Variants in FMN2 observed in about 807,000 individuals in gnomAD.
FMN2 encodes the protein formin 2.
A neutral mutation model predicts 142.3 loss-of-function variants in FMN2; 51 were observed. That is an observed-to-expected ratio of 0.36 (90% CI 0.29 to 0.45). The LOEUF is 0.45. FMN2 is among the 20% of genes least tolerant of loss of function. The pLI is 1.00. For missense variants in FMN2, 1,936 were observed against 2,122.8 expected (o/e 0.91, Z 1.73); for synonymous variants, 882 against 869.8 (o/e 1.01, Z -0.25).
intron 8 of FMN2, among the ~76,000 whole-genome samples, chr1:240,313,079 A>C (rs4434829): frequency 0.017 from 2,532 of 152,236 alleles, 71 homozygotes; most frequent in African/African-American, 0.058. Flanking sequence ...GTCACTTCCT[A>C]TTGCAACATT....
At chr1:240,431,556 A>G (rs1455912404) in intron 15 of FMN2, among the ~76,000 whole-genome samples, 1 of 151,360 alleles carries the variant, frequency 6.6e-6, no homozygotes, top group Non-Finnish European at 1.5e-5. Context: ...TTTCTGAACT[A>G]AAAAGAAAAT....
chr1:240,412,802 G>A (rs1200573973), intron 15 of FMN2, among the ~76,000 whole-genome samples: 1 of 152,042 alleles, frequency 6.6e-6, no homozygotes, highest in African/African-American at 2.4e-5. Context: ...TGATATGAGT[G>A]TGTCTGGTGA....
At chr1:240,438,004 TC>T in intron 15 of FMN2, 56 bp from the exon 16 acceptor site, 2 of 1,564,884 alleles carry the variant, frequency 1.3e-6, no homozygotes, top group Non-Finnish European at 1.7e-6. Context: ...AGAAAGAATA[TC>T]CCATATTGGA....
At chr1:240,444,596 C>G (rs12065307) in intron 16 of FMN2, among the ~76,000 whole-genome samples, 34,005 of 152,170 alleles carry the variant, frequency 0.22, 4,794 homozygotes, top group African/African-American at 0.4. Flanking sequence ...GAAAGGATAG[C>G]TACTTCTCTA....
At chr1:240,448,553 C>T (rs551929244) in intron 16 of FMN2, among the ~76,000 whole-genome samples, 18 of 152,224 alleles carry the variant, frequency 1.2e-4, no homozygotes, top group Admixed American at 6.5e-4. Context: ...CTGTGGCACA[C>T]GCTTGTATCC....
intron 6 of FMN2, among the ~76,000 whole-genome samples, chr1:240,236,368 C>A (rs1316877192): frequency 6.6e-6 from 1 of 152,172 alleles, no homozygotes; most frequent in African/African-American, 2.4e-5. Flanking sequence ...CAGTGGGACA[C>A]CCCATGGTAT....
chr1:240,421,290 G>A (rs12077586), intron 15 of FMN2, among the ~76,000 whole-genome samples: 7,415 of 152,060 alleles, frequency 0.049, 591 homozygotes, highest in African/African-American at 0.17. Flanking sequence ...CTGATGCTAT[G>A]GAAATGATAC....
At chr1:240,241,893 CCTCACTGCAAGCTCCGATCTCGG>C (rs1390948124) in intron 6 of FMN2, among the ~76,000 whole-genome samples, 77 of 146,006 alleles carry the variant, frequency 5.3e-4, no homozygotes, top group African/African-American at 1.9e-3. Flanking sequence ...CTGGATCTCG[CCTCACTGCAAGCTCCGATCTCGG>C]CTCACTGCAA....
Position 240,428,230 on chromosome 1 carries a change from C to T in FMN2, c.4911-9831C>T, listed in dbSNP as rs142015072. 6.4e-3 allele frequency among the ~76,000 whole-genome samples: 941 copies of T among 146,780 alleles called. 8 individuals carry two copies. The highest frequency in any genetic ancestry group is 0.023 in the African/African-American group (876 of 38,404). On this transcript the variant is annotated intron_variant, in intron 15 of 17. Transcript: ENST00000319653. ...ATTGTTACTGATCTCCAAAACATTT[C>T]GCCTTTTTTTTTTTTTAAATACAGA...
intron 7 of FMN2, among the ~76,000 whole-genome samples, chr1:240,278,623 A>G (rs530171013): frequency 6.6e-6 from 1 of 152,290 alleles, no homozygotes; most frequent in East Asian, 1.9e-4. Flanking sequence ...TTCTTTAACA[A>G]TGAGGATCAT....
At chr1:240,334,343 T>TTG (rs1037424744) in intron 13 of FMN2, 114 bp downstream of exon 13, 7 of 1,261,304 alleles carry the variant, frequency 5.5e-6, no homozygotes, top group South Asian at 2.1e-5. Context: ...AGAACTAAAT[T>TTG]TGTGTGTGTG....
At chr1:240,228,374 G>A (rs1553346364) in intron 6 of FMN2, among the ~76,000 whole-genome samples, 1 of 142,958 alleles carries the variant, frequency 7.0e-6, no homozygotes, top group Non-Finnish European at 1.5e-5. Context: ...TGGGCAAAAG[G>A]TTTCAGTAGG....
intron 14 of FMN2, among the ~76,000 whole-genome samples, chr1:240,364,326 A>T (rs913782470): frequency 1.3e-5 from 2 of 152,264 alleles, no homozygotes; most frequent in East Asian, 1.9e-4. Flanking sequence ...ATAAATACAG[A>T]TGAAATCCCA....
chr1:240,206,790 G>T lies in FMN2; in HGVS notation c.1987-9G>T. On this transcript the variant is annotated splice_polypyrimidine_tract_variant and intron_variant, in intron 4 of 17. Coordinates refer to ENST00000319653, the MANE Select transcript of FMN2 (RefSeq NM_020066.5). ...ATAACTAACTGTGTCTGTCCTTGTC[G>T]CCCTTCAGGAAGTTGTTGACATGAA... is the stretch of plus-strand genomic sequence containing the variant. The T allele has an allele frequency of 6.2e-7, 1 of 1,600,088 alleles. No homozygotes were observed. The highest frequency in any genetic ancestry group is 8.5e-7 in the Non-Finnish European group (1 of 1,169,596).
At chr1:240,445,312 C>G (rs993938141) in intron 16 of FMN2, among the ~76,000 whole-genome samples, 1 of 152,086 alleles carries the variant, frequency 6.6e-6, no homozygotes, top group Admixed American at 6.5e-5. Flanking sequence ...AAAAAGTAAG[C>G]GCATATTTAA....
At chr1:240,401,312 G>A (rs1313417622) in intron 15 of FMN2, among the ~76,000 whole-genome samples, 1 of 152,038 alleles carries the variant, frequency 6.6e-6, no homozygotes, top group Non-Finnish European at 1.5e-5. Flanking sequence ...TTCTTATCAT[G>A]TTCCATGTAT....
At chr1:240,431,932 T>C (rs1208442026) in intron 15 of FMN2, among the ~76,000 whole-genome samples, 1 of 151,704 alleles carries the variant, frequency 6.6e-6, no homozygotes, top group Non-Finnish European at 1.5e-5. Context: ...TTATTTTTTT[T>C]CTTTCATAAT....
At chr1:240,181,942 A>G (rs1665173292) in intron 3 of FMN2, among the ~76,000 whole-genome samples, 1 of 152,154 alleles carries the variant, frequency 6.6e-6, no homozygotes, top group African/African-American at 2.4e-5. Flanking sequence ...TGAATGCTTT[A>G]CGTATTGAAT....
intron 8 of FMN2, among the ~76,000 whole-genome samples, chr1:240,302,895 G>A (rs1410008254): frequency 6.6e-6 from 1 of 151,996 alleles, no homozygotes; most frequent in Non-Finnish European, 1.5e-5. Context: ...AATGTTAGCT[G>A]ACACTTTTCC....
Sources: allele counts gnomAD v4.1 joint callset (sites outside exome capture counted in the v4.1 genomes callset), GRCh38; gene constraint gnomAD v4.1.1; transcripts MANE v1.5; gene names NCBI Gene and HGNC (gene_info 2026-07-23, HGNC 2026-07-21).